The following EYA2 variants were observed in gnomAD, a reference collection of about 807,000 sequenced individuals.
EYA2 encodes EYA transcriptional coactivator and phosphatase 2.
In EYA2, 31 loss-of-function variants were observed where a neutral mutation model predicts 69.2. That is an observed-to-expected ratio of 0.45 (90% CI 0.34 to 0.60). The LOEUF is 0.60. Among genes scored for constraint, EYA2 ranks in the 20% least tolerant of loss-of-function variants. The pLI, the probability that EYA2 is intolerant of heterozygous loss-of-function variation, is 0.02. For synonymous variants in EYA2, 257 were observed against 279.4 expected, an observed-to-expected ratio of 0.92 and a Z score of 0.80; for missense variants, 622 against 701.2, an observed-to-expected ratio of 0.89 and a Z score of 1.28.
At chr20:47,171,418 T>G (rs2034320405) in intron 11 of EYA2, among the ~76,000 whole-genome samples, 1 of 152,154 alleles carries the variant, frequency 6.6e-6, no homozygotes, top group African/African-American at 2.4e-5. Context: ...GTTTTGTTTT[T>G]TTCAGTTAGC....
chr20:47,155,762 T>C (rs1264027511), intron 10 of EYA2, among the ~76,000 whole-genome samples: 1 of 151,726 alleles, frequency 6.6e-6, no homozygotes, highest in Non-Finnish European at 1.5e-5. Flanking sequence ...GTAAGAAGAA[T>C]GTGGAGATTT....
chr20:47,153,017 G>A (rs2033854152), intron 10 of EYA2, among the ~76,000 whole-genome samples: 1 of 151,622 alleles, frequency 6.6e-6, no homozygotes, highest in South Asian at 2.1e-4. Context: ...TTAGAGGCCG[G>A]GCCAGCAATA....
At chr20:46,932,371 TGTG>T (rs1380154754) in intron 1 of EYA2, among the ~76,000 whole-genome samples, 1 of 152,164 alleles carries the variant, frequency 6.6e-6, no homozygotes, top group East Asian at 1.9e-4. Context: ...CTTTAAAGGA[TGTG>T]GGCTCTGGAA....
chr20:47,017,771 A>G (rs1184858128), intron 5 of EYA2, among the ~76,000 whole-genome samples: 2 of 152,206 alleles, frequency 1.3e-5, no homozygotes, highest in African/African-American at 2.4e-5. Flanking sequence ...ACGGTACTGT[A>G]TTATTCCCAT....
At chr20:46,987,962 C>CTATA (rs1568707112) in intron 1 of EYA2, among the ~76,000 whole-genome samples, 5 of 17,538 alleles carry the variant, frequency 2.9e-4, no homozygotes, top group Non-Finnish European at 4.1e-4. Flanking sequence ...CTCTCTCTCT[C>CTATA]TCTATATATA....
intron 1 of EYA2, among the ~76,000 whole-genome samples, chr20:46,953,815 T>C (rs1053963007): frequency 2.0e-5 from 3 of 152,216 alleles, no homozygotes; most frequent in Non-Finnish European, 2.9e-5. Flanking sequence ...CAACTTTCCT[T>C]GAATAGGCAT....
chr20:47,023,792 C>T (rs1983917666), intron 5 of EYA2, among the ~76,000 whole-genome samples: 1 of 152,052 alleles, frequency 6.6e-6, no homozygotes, highest in Non-Finnish European at 1.5e-5. Context: ...TGCTCACCAC[C>T]ACTCCTGGCT....
intron 5 of EYA2, among the ~76,000 whole-genome samples, chr20:47,057,371 A>C (rs1049592853): frequency 1.3e-5 from 2 of 152,152 alleles, no homozygotes; most frequent in Admixed American, 1.3e-4. Flanking sequence ...TAGACTATGA[A>C]GCCTGGGATT....
chr20:47,083,647 A>G (rs2031799056), intron 7 of EYA2, among the ~76,000 whole-genome samples: 1 of 152,174 alleles, frequency 6.6e-6, no homozygotes, highest in Non-Finnish European at 1.5e-5. Flanking sequence ...ACACAAAAAA[A>G]ATGCAAAATA....
rs1015470222 is a variant in EYA2, at chr20:47,094,327, G to T, written c.805-2758G>T. On this transcript the variant is annotated intron_variant, in intron 8 of 15. Transcript: ENST00000327619. ...ACTTGGCATATTTGAATCTCAGAAG[G>T]TCCTTCTCAAACACTGATTTTCAAA... 5.3e-5 allele frequency among the ~76,000 whole-genome samples: 8 copies of T among 152,270 alleles called. No homozygotes were observed. The South Asian group carries it at 1.7e-3, about 32-fold the overall frequency.
intron 1 of EYA2, among the ~76,000 whole-genome samples, chr20:46,937,326 C>G (rs1393086305): frequency 6.6e-6 from 1 of 152,166 alleles, no homozygotes; most frequent in Non-Finnish European, 1.5e-5. Context: ...TGTCCTTGAG[C>G]CAGTTGCTTC....
At chr20:47,073,320 G>A (rs1273179492) in intron 6 of EYA2, among the ~76,000 whole-genome samples, 1 of 152,154 alleles carries the variant, frequency 6.6e-6, no homozygotes, top group Non-Finnish European at 1.5e-5. Flanking sequence ...AAGGTGATTG[G>A]CAGCTATTGA....
intron 11 of EYA2, among the ~76,000 whole-genome samples, chr20:47,170,001 G>C (rs2034286281): frequency 6.6e-6 from 1 of 151,946 alleles, no homozygotes; most frequent in Admixed American, 6.6e-5. Flanking sequence ...CACCTCCCAG[G>C]CTCAAGCAAT....
intron 8 of EYA2, among the ~76,000 whole-genome samples, chr20:47,094,065 G>C (rs923326505): frequency 3.3e-5 from 5 of 152,220 alleles, no homozygotes; most frequent in Admixed American, 6.5e-5. Context: ...TCTGCACCAT[G>C]ATGGCCTAGG....
chr20:46,962,124 G>A (rs1396373598), intron 1 of EYA2, among the ~76,000 whole-genome samples: 1 of 152,194 alleles, frequency 6.6e-6, no homozygotes, highest in Admixed American at 6.5e-5. Flanking sequence ...AACCTCCTGG[G>A]CTTAAGTGAT....
At position 47,074,237 on chromosome 20, in the gene EYA2, C is replaced by T. The variant is rs140248088; in HGVS notation, c.563C>T (p.Pro188Leu). 3.7e-4 allele frequency: 604 copies of T among 1,614,140 alleles called. No homozygotes were observed. The highest frequency in any genetic ancestry group is 4.5e-4 in the Non-Finnish European group (535 of 1,180,000). ...TCATCCTACAACCCTCCCTACGTCC[C>T]GGCCAGCAGCATCTGCCCTTCGCCC... ...YGSSYNPPYV[P>L]ASSICPSPLS... Residue 188 changes from proline to leucine, a missense_variant, in exon 7 of 16, where the codon CCG becomes CTG. By Grantham distance (98) the Pro-to-Leu change is moderately conservative (BLOSUM62 -3). This residue lies in a region of EYA2 where 365 missense variants were observed against 349.7 expected (regional missense o/e 1.04). Coordinates refer to ENST00000327619, the MANE Select transcript of EYA2 (RefSeq NM_005244.5).
At chr20:47,157,251 G>A (rs943578762) in intron 10 of EYA2, among the ~76,000 whole-genome samples, 4 of 150,902 alleles carry the variant, frequency 2.7e-5, no homozygotes, top group Admixed American at 6.6e-5. Flanking sequence ...CTACTCAGGA[G>A]GCTGAGGCAG....
chr20:47,172,744 G>A lies in EYA2; in HGVS notation c.1075G>A (p.Ala359Thr), dbSNP rs754050039. 1.2e-6 allele frequency: 2 copies of A among 1,613,902 alleles called. No homozygotes were observed. Among genetic ancestry groups the A allele is most frequent in the Admixed American group, 3.3e-5 (2 of 59,988 alleles). The stretch of plus-strand genomic sequence containing the variant: ...CTCCGCTGACGGCTTCCACAGTTCG[G>A]CCCCAGGAGCCAACCTGTGCCTGGG... ...NFSADGFHSSAPGANLCLGSG... is the reference protein window; with the variant it reads ...NFSADGFHSSTPGANLCLGSG... Residue 359 changes from alanine (A) to threonine (T), a missense_variant, in exon 12 of 16, where the codon GCC becomes ACC. By Grantham distance (58) the Ala-to-Thr change is moderately conservative (BLOSUM62 0). Coordinates refer to ENST00000327619, the MANE Select transcript of EYA2 (RefSeq NM_005244.5).
intron 4 of EYA2, among the ~76,000 whole-genome samples, chr20:47,011,286 C>T (rs182459096): frequency 7.2e-5 from 11 of 152,258 alleles, no homozygotes; most frequent in Non-Finnish European, 1.5e-4. Flanking sequence ...GGACAGGAAA[C>T]GAGTACTCTG....
Sources: allele counts gnomAD v4.1 joint callset (sites outside exome capture counted in the v4.1 genomes callset), GRCh38; gene constraint gnomAD v4.1.1; regional missense constraint gnomAD v4.1.1; transcripts MANE v1.5; gene names NCBI Gene and HGNC (gene_info 2026-07-23, HGNC 2026-07-21).